The following CLEC20A variants were observed in gnomAD, a reference collection of about 807,000 sequenced individuals.
CLEC20A encodes the protein putative C-type lectin domain family 20 member A.
chr1:178,488,560 G>A (rs1649204327), exon 5 of CLEC20A: 3 of 398,856 alleles, frequency 7.5e-6, no homozygotes, highest in Non-Finnish European at 1.3e-5. Flanking sequence ...GTGGAAGAGT[G>A]GAGGCAACTC....
intron 5 of CLEC20A, 53 bp downstream of exon 5, chr1:178,488,448 C>A: frequency 5.0e-6 from 2 of 398,736 alleles, no homozygotes; most frequent in Non-Finnish European, 8.8e-6. Context: ...CCAGCCTTGC[C>A]ACTTCCCCAG....
At chr1:178,490,680 T>C (rs1016765153) in intron 3 of CLEC20A, among the ~76,000 whole-genome samples, 12 of 152,238 alleles carry the variant, frequency 7.9e-5, no homozygotes, top group African/African-American at 1.4e-4. Flanking sequence ...AGAGTTCTTG[T>C]AGCTATATGG....
chr1:178,491,432 C>T (rs557907226), intron 3 of CLEC20A, among the ~76,000 whole-genome samples: 148 of 152,304 alleles, frequency 9.7e-4, no homozygotes, highest in African/African-American at 3.4e-3. Context: ...AACATTTTCC[C>T]TATCTAAACA....
In CLEC20A at chr1:178,490,506, C is replaced by T. The variant is rs1649246538; in HGVS notation, c.464-69G>A. The T allele has an allele frequency of 7.5e-6, 3 of 398,000 alleles. No homozygotes were observed. In the South Asian group the frequency reaches 4.1e-4, roughly 54 times the overall value. The allele number at this position is 398,000 out of a possible 1,614,324, so 24.7% of individuals were successfully genotyped here. On this transcript the variant is annotated intron_variant, in intron 3 of 7. Transcript: ENST00000623247. ...TCTCTGACAGCCCAGCCTTCATCACCCTTGGGGATAGAATTTTGGTCTGAC... is the reference window on the plus strand; with the variant it reads ...TCTCTGACAGCCCAGCCTTCATCACTCTTGGGGATAGAATTTTGGTCTGAC...
chr1:178,494,803 C>A (rs1649347269), exon 2 of CLEC20A: 1 of 399,242 alleles, frequency 2.5e-6, no homozygotes. Context: ...TGCTCACCAG[C>A]TGCAGGGCTG....
chr1:178,491,192 C>T (rs904095785), intron 3 of CLEC20A, among the ~76,000 whole-genome samples: 5 of 152,320 alleles, frequency 3.3e-5, no homozygotes, highest in African/African-American at 9.6e-5. Context: ...CTACCCTGCC[C>T]ATCGCCGGTG....
At chr1:178,482,671 T>C (rs1349558404) in intron 6 of CLEC20A, 3 of 294,002 alleles carry the variant, frequency 1.0e-5, no homozygotes, top group Non-Finnish European at 6.2e-6. Context: ...GTTTCTTCTG[T>C]ATTTTTCTCC....
intron 2 of CLEC20A, among the ~76,000 whole-genome samples, chr1:178,494,201 C>A (rs886518073): frequency 1.3e-5 from 2 of 152,226 alleles, no homozygotes; most frequent in Non-Finnish European, 2.9e-5. Context: ...TTGAGACCAG[C>A]CTGGGCAACA....
chr1:178,494,700 G>A lies in CLEC20A; in HGVS notation c.151C>T (p.Gln51Ter), dbSNP rs1389093853. The A allele has an allele frequency of 1.0e-5, 4 of 399,244 alleles. No homozygotes were observed. Among genetic ancestry groups the A allele is most frequent in the Admixed American group, 8.8e-5 (2 of 22,722 alleles). The allele number at this position is 399,244 out of a possible 1,614,324, so 24.7% of individuals were successfully genotyped here. ...TAGAGCTTCCACAGGCCACTTGGCTGCAGGTCAGCGAGGTCTGTGTAGTGC... is the reference window on the plus strand; with the variant it reads ...TAGAGCTTCCACAGGCCACTTGGCTACAGGTCAGCGAGGTCTGTGTAGTGC... The change falls in exon 2 of 8, where the codon CAG becomes TAG. Residue 51 changes from glutamine to a stop codon, truncating the protein, a stop_gained. Coordinates refer to ENST00000623247, the Ensembl canonical transcript of CLEC20A. LOFTEE classifies it high-confidence loss of function.
At chr1:178,493,053 T>C (rs1344650561) in intron 2 of CLEC20A, among the ~76,000 whole-genome samples, 2 of 152,148 alleles carry the variant, frequency 1.3e-5, no homozygotes, top group African/African-American at 2.4e-5. Flanking sequence ...TCACTCTGTG[T>C]AGAGAACAGA....
At chr1:178,487,483 C>G (rs1558028478) in intron 5 of CLEC20A, among the ~76,000 whole-genome samples, 1 of 152,168 alleles carries the variant, frequency 6.6e-6, no homozygotes, top group East Asian at 1.9e-4. Context: ...AGTCCTCACC[C>G]AGCCACGCAC....
chr1:178,492,437 G>A (rs543561274), intron 3 of CLEC20A, 64 bp downstream of exon 3: 28 of 398,622 alleles, frequency 7.0e-5, no homozygotes, highest in African/African-American at 2.7e-4. Context: ...GCTGGTCTTG[G>A]TGGAGAGATC....
chr1:178,489,238 C>A (rs908147672), intron 4 of CLEC20A, among the ~76,000 whole-genome samples: 1 of 152,064 alleles, frequency 6.6e-6, no homozygotes, highest in Non-Finnish European at 1.5e-5. Context: ...TAGTGGGCAC[C>A]TGTAACCCCA....
rs142555271 is a variant in CLEC20A at position 178,485,034 on chromosome 1, CAGAAG to C, written c.929-1757_929-1753del. ...GATAAATGTGTAAAATTCAGAAACACAGAAGAGGAGGAAACATCTGTATTTTCATC... is the reference window on the plus strand; with the variant it reads ...GATAAATGTGTAAAATTCAGAAACACAGGAGGAAACATCTGTATTTTCATC... On this transcript the variant is annotated intron_variant, in intron 5 of 7. Coordinates refer to ENST00000623247, the Ensembl canonical transcript of CLEC20A. Among the ~76,000 whole-genome samples, 273 of 152,288 alleles carry C rather than the reference CAGAAG, an allele frequency of 1.8e-3. 2 individuals are homozygous for C. The highest frequency in any genetic ancestry group is 2.9e-3 in the Non-Finnish European group (200 of 68,026).
chr1:178,487,150 CG>C (rs1200377350), intron 5 of CLEC20A, among the ~76,000 whole-genome samples: 1 of 152,208 alleles, frequency 6.6e-6, no homozygotes, highest in Non-Finnish European at 1.5e-5. Context: ...GCTGGCTCCC[CG>C]GGCCTGTGCC....
At chr1:178,480,012 T>G in intron 7 of CLEC20A, 1 of 151,616 alleles carries the variant, frequency 6.6e-6, no homozygotes, top group South Asian at 2.1e-4. Flanking sequence ...TTTTTTTTTT[T>G]TTTTTTCTTT....
intron 4 of CLEC20A, among the ~76,000 whole-genome samples, chr1:178,489,227 G>A (rs1485001253): frequency 1.3e-5 from 2 of 152,044 alleles, no homozygotes; most frequent in Non-Finnish European, 2.9e-5. Context: ...GTCAGGCGTG[G>A]TAGTGGGCAC....
intron 3 of CLEC20A, among the ~76,000 whole-genome samples, chr1:178,491,021 G>T (rs1649255158): frequency 6.6e-6 from 1 of 152,212 alleles, no homozygotes; most frequent in Non-Finnish European, 1.5e-5. Context: ...GAAGAGGCCA[G>T]CCTGGAGGGA....
intron 1 of CLEC20A, chr1:178,496,607 C>T (rs1035966784): frequency 4.7e-5 from 17 of 362,270 alleles, no homozygotes; most frequent in African/African-American, 6.3e-5. Flanking sequence ...AAGTGACCTG[C>T]GCGGCCGTCT....
Sources: allele counts gnomAD v4.1 joint callset (sites outside exome capture counted in the v4.1 genomes callset), GRCh38; gene constraint gnomAD v4.1.1; transcripts MANE v1.5; gene names NCBI Gene and HGNC (gene_info 2026-07-23, HGNC 2026-07-21).